The following MYOF variants were observed in gnomAD, a reference collection of about 807,000 sequenced individuals.
MYOF encodes fer-1-like 3, myoferlin.
In MYOF, 244 loss-of-function variants were observed where a neutral mutation model predicts 284.2. The ratio of observed to expected loss-of-function variants is 0.86; its 90% CI spans 0.77 to 0.95. The LOEUF (loss-of-function observed/expected upper bound fraction) is 0.95. MYOF is among the 40% of genes least tolerant of loss of function. MYOF has a pLI of 0.00. For synonymous variants in MYOF, 904 were observed against 919.7 expected (o/e 0.98, Z 0.31); for missense variants, 2,496 against 2,560.6 (o/e 0.97, Z 0.54).
At position 93,323,086 on chromosome 10, in the gene MYOF, G is replaced by C; in HGVS notation, c.5448C>G (p.Tyr1816Ter). 1 of 1,613,514 alleles carries C rather than the reference G, an allele frequency of 6.2e-7. No individual in the cohort carries two copies. Among genetic ancestry groups the C allele is most frequent in the South Asian group, 1.1e-5 (1 of 91,078 alleles). The change falls in exon 48 of 54, where the codon TAC becomes TAG. Residue 1816 changes from tyrosine (Y) to a stop codon, truncating the protein, a stop_gained. Coordinates refer to ENST00000359263, the MANE Select transcript of MYOF (RefSeq NM_013451.4). LOFTEE classifies it high-confidence loss of function. The stretch of plus-strand genomic sequence containing the variant: ...TCACATGCTAACCTTACCCTTTGAC[G>C]TAGATGTCACTCATTTCCTCTCCTG... ...SITGEEMSDI[Y>*]VKGWIPGNEE...
Position 93,454,986 on chromosome 10 carries a change from T to TA in MYOF, c.144+1895_144+1896insT, listed in dbSNP as rs1564732516. Among the ~76,000 whole-genome samples, 649 of 84,554 alleles carry TA rather than the reference T, an allele frequency of 7.7e-3. 59 individuals are homozygous for TA. Among genetic ancestry groups the TA allele is most frequent in the Middle Eastern group, 0.045 (4 of 88 alleles). The allele number at this position is 84,554 out of a possible 152,430, so 55.5% of individuals were successfully genotyped here. On this transcript the variant is annotated intron_variant, in intron 2 of 53. Transcript: ENST00000359263. ...AGAGCGAGACCCTGTCTTTTTTTAA[T>TA]TAAAAAAAAAAAAAAAAAAAAAAAA...
intron 39 of MYOF, chr10:93,338,228 A>T (rs540253378): frequency 5.7e-5 from 26 of 460,104 alleles, no homozygotes; most frequent in South Asian, 4.2e-4. Flanking sequence ...TATTCTATTG[A>T]CTTCATATTT....
chr10:93,313,258 G>C, intron 50 of MYOF, 48 bp from the exon 51 acceptor site: 1 of 1,553,516 alleles, frequency 6.4e-7, no homozygotes, highest in Non-Finnish European at 8.8e-7. Flanking sequence ...AAGTGGATCA[G>C]CTGTTGTTCA....
At chr10:93,441,495 C>T (rs1466211361) in intron 3 of MYOF, among the ~76,000 whole-genome samples, 1 of 151,904 alleles carries the variant, frequency 6.6e-6, no homozygotes, top group Non-Finnish European at 1.5e-5. Flanking sequence ...AGCGATTCTC[C>T]TGCCTCAGTC....
intron 8 of MYOF, 40 bp downstream of exon 8, chr10:93,404,117 G>C: frequency 6.2e-7 from 1 of 1,613,760 alleles, no homozygotes; most frequent in Non-Finnish European, 8.5e-7. Context: ...GCTTTGCCTG[G>C]CAGTGAGTGA....
Position 93,406,928 on chromosome 10 carries a change from G to A in MYOF, c.729+1859C>T, listed in dbSNP as rs139379557. Among the ~76,000 whole-genome samples, 160 of 152,282 alleles carry A rather than the reference G, an allele frequency of 1.1e-3. 1 individual carries two copies. Among genetic ancestry groups the A allele is most frequent in the African/African-American group, 3.6e-3 (148 of 41,556 alleles). On this transcript the variant is annotated intron_variant, in intron 7 of 53. Coordinates refer to ENST00000359263, the MANE Select transcript of MYOF (RefSeq NM_013451.4). ...AGTGTGGTAAGACAGGCCTGGGCTG[G>A]AGAACAGAGCAGGAGACATAGGCCT...
chr10:93,390,239 T>C lies in MYOF; in HGVS notation c.1457-1085A>G, dbSNP rs557598435. Among the ~76,000 whole-genome samples, 10 of 152,336 alleles carry C rather than the reference T, an allele frequency of 6.6e-5. No individual in the cohort carries two copies. In the South Asian group the frequency reaches 1.0e-3, roughly 16 times the overall value. ...TAATTTACCTAACCCTATAGACATA[T>C]ACTGCACAGTCATTTTCATTACGTG... On this transcript the variant is annotated intron_variant, in intron 17 of 53. Coordinates refer to ENST00000359263, the MANE Select transcript of MYOF (RefSeq NM_013451.4).
chr10:93,421,392 C>T (rs1173179216), intron 5 of MYOF, among the ~76,000 whole-genome samples: 1 of 152,090 alleles, frequency 6.6e-6, no homozygotes, highest in African/African-American at 2.4e-5. Flanking sequence ...GTTTTTTCTC[C>T]TGGTGTCTTC....
chr10:93,426,200 C>T (rs573493437), intron 4 of MYOF, 42 bp from the exon 5 acceptor site: 1 of 1,541,264 alleles, frequency 6.5e-7, no homozygotes, highest in Admixed American at 2.0e-5. Context: ...CAGTGCAGGG[C>T]ACCAGCATGT....
At chr10:93,315,131 C>T (rs1288872693) in intron 50 of MYOF, among the ~76,000 whole-genome samples, 1 of 152,216 alleles carries the variant, frequency 6.6e-6, no homozygotes, top group African/African-American at 2.4e-5. Flanking sequence ...CTTGCATACT[C>T]ATTTATTTGC....
At chr10:93,318,941 T>G (rs1291711205) in intron 49 of MYOF, among the ~76,000 whole-genome samples, 1 of 152,122 alleles carries the variant, frequency 6.6e-6, no homozygotes, top group African/African-American at 2.4e-5. Flanking sequence ...CTGTTGTTAT[T>G]GACTATGCAG....
At chr10:93,338,941 C>A (rs1443271785) in intron 39 of MYOF, among the ~76,000 whole-genome samples, 1 of 147,074 alleles carries the variant, frequency 6.8e-6, no homozygotes, top group Non-Finnish European at 1.5e-5. Flanking sequence ...AAAAAACAAA[C>A]AAAAAAACAC....
Position 93,425,654 on chromosome 10 carries a change from C to G in MYOF, c.433+417G>C, listed in dbSNP as rs757120861. On this transcript the variant is annotated intron_variant, in intron 5 of 53. Coordinates refer to ENST00000359263, the MANE Select transcript of MYOF (RefSeq NM_013451.4). ...CCAGTCGAAAGCCATGCCCATGAGA[C>G]TGGTGCTGAGAGCAGAGCCCGGTGG... 53 of 181,278 alleles carry G rather than the reference C, an allele frequency of 2.9e-4. 1 individual carries two copies. Among genetic ancestry groups the G allele is most frequent in the Non-Finnish European group, 5.3e-4 (46 of 86,778 alleles). 11.2% of individuals were successfully genotyped at this position (181,278 alleles called of 1,614,324 possible).
chr10:93,446,654 T>G (rs1165164275), intron 3 of MYOF, among the ~76,000 whole-genome samples: 1 of 152,062 alleles, frequency 6.6e-6, no homozygotes, highest in Non-Finnish European at 1.5e-5. Context: ...AGCTTCATAA[T>G]TGGCCTAGAA....
chr10:93,394,478 T>G (rs1374546439), intron 16 of MYOF, among the ~76,000 whole-genome samples: 1 of 120,622 alleles, frequency 8.3e-6, no homozygotes, highest in Non-Finnish European at 1.7e-5. Flanking sequence ...TTTTTTTTTT[T>G]GAGACAGAGT....
intron 1 of MYOF, among the ~76,000 whole-genome samples, chr10:93,473,192 A>C (rs560280670): frequency 6.6e-6 from 1 of 152,340 alleles, no homozygotes; most frequent in East Asian, 1.9e-4. Context: ...GTCAACCAAC[A>C]GAGTAAAGAT....
rs753083855 is a variant in MYOF at position 93,349,864 on chromosome 10, TCAC to T, written c.4024_4026del (p.Val1342del). ...TTGGGTGTCTTCTTAAGGTTTTTGA[TCAC>T]CACCGATTCCACCCTTTCTCCTCCA... On this transcript the variant is annotated inframe_deletion, in exon 36 of 54. Coordinates refer to ENST00000359263, the MANE Select transcript of MYOF (RefSeq NM_013451.4). The T allele has an allele frequency of 5.0e-6, 8 of 1,614,016 alleles. No individual in the cohort carries two copies. Among genetic ancestry groups the T allele is most frequent in the Non-Finnish European group, 5.9e-6 (7 of 1,180,006 alleles).
At chr10:93,477,476 G>A (rs1415652665) in intron 1 of MYOF, among the ~76,000 whole-genome samples, 1 of 99,226 alleles carries the variant, frequency 1.0e-5, no homozygotes, top group Non-Finnish European at 2.2e-5. Flanking sequence ...TGGGCAACAA[G>A]AGCGAAACTC....
chr10:93,455,793 A>G (rs2056731366), intron 2 of MYOF, among the ~76,000 whole-genome samples: 1 of 152,204 alleles, frequency 6.6e-6, no homozygotes, highest in South Asian at 2.1e-4. Context: ...GAAAATAACA[A>G]AGACATTCAT....
Sources: allele counts gnomAD v4.1 joint callset (sites outside exome capture counted in the v4.1 genomes callset), GRCh38; gene constraint gnomAD v4.1.1; transcripts MANE v1.5; gene names NCBI Gene and HGNC (gene_info 2026-07-23, HGNC 2026-07-21).